Variants in LRRC4C observed in about 807,000 individuals in gnomAD.
LRRC4C encodes the protein leucine-rich repeat-containing protein 4C.
LRRC4C carries 5 observed loss-of-function variants against 33.6 expected under a neutral mutation model. The ratio of observed to expected loss-of-function variants is 0.15; its 90% confidence interval spans 0.08 to 0.31. The LOEUF (loss-of-function observed/expected upper bound fraction) is 0.31, where lower values mean the gene tolerates loss of function less well. LRRC4C is among the 10% of genes least tolerant of loss of function. The pLI is 1.00. For synonymous variants in LRRC4C, 329 were observed against 302.0 expected (o/e 1.09, Z -0.93); for missense variants, 560 against 796.7 (o/e 0.70, Z 3.58).
chr11:40,839,890 C>T lies in LRRC4C; in HGVS notation c.-407+93745G>A, dbSNP rs577069843. Among the ~76,000 whole-genome samples, 7 of 152,186 alleles carry T rather than the reference C, an allele frequency of 4.6e-5. No individual in the cohort carries two copies. The East Asian group carries it at 1.4e-3, about 29-fold the overall frequency. ...CAATCCAGAATCACAACATTTGAAA[C>T]ATCTAGAAAAATAAAGACTGACTCT... On this transcript the variant is annotated intron_variant, in intron 2 of 6. Transcript: ENST00000528697.
chr11:40,878,619 G>T (rs1591973364), intron 2 of LRRC4C, among the ~76,000 whole-genome samples: 1 of 152,268 alleles, frequency 6.6e-6, no homozygotes, highest in African/African-American at 2.4e-5. Context: ...AGGCTTTATT[G>T]TTCACCTGCC....
intron 2 of LRRC4C, among the ~76,000 whole-genome samples, chr11:40,842,390 T>C (rs1952951677): frequency 6.6e-6 from 1 of 152,166 alleles, no homozygotes; most frequent in Non-Finnish European, 1.5e-5. Flanking sequence ...CTTTTTTGGA[T>C]CAAATTTGTT....
At chr11:40,566,717 G>C (rs1565511576) in intron 3 of LRRC4C, among the ~76,000 whole-genome samples, 1 of 151,940 alleles carries the variant, frequency 6.6e-6, no homozygotes, top group African/African-American at 2.4e-5. Context: ...CCTAAAGAAG[G>C]TGCTGGTTAA....
At chr11:41,170,151 C>T (rs1944907293) in intron 1 of LRRC4C, among the ~76,000 whole-genome samples, 2 of 152,050 alleles carry the variant, frequency 1.3e-5, no homozygotes, top group Non-Finnish European at 2.9e-5. Context: ...CCAAAACTAT[C>T]AAGATAGACT....
intron 3 of LRRC4C, among the ~76,000 whole-genome samples, chr11:40,348,110 A>G (rs1024693157): frequency 3.9e-5 from 6 of 152,192 alleles, no homozygotes; most frequent in African/African-American, 1.2e-4. Flanking sequence ...CAATAGTAAC[A>G]TCAAAGATCA....
intron 2 of LRRC4C, among the ~76,000 whole-genome samples, chr11:40,660,208 G>T (rs1943360538): frequency 6.6e-6 from 1 of 152,206 alleles, no homozygotes; most frequent in Admixed American, 6.5e-5. Context: ...CACAGCAGCT[G>T]GTGTGCCTGG....
intron 1 of LRRC4C, among the ~76,000 whole-genome samples, chr11:41,311,487 A>C (rs1034901076): frequency 1.3e-5 from 2 of 152,214 alleles, no homozygotes; most frequent in African/African-American, 4.8e-5. Context: ...ACTACTTATA[A>C]AGATAAATCT....
intron 1 of LRRC4C, among the ~76,000 whole-genome samples, chr11:41,273,586 C>A (rs891030175): frequency 6.6e-6 from 1 of 152,036 alleles, no homozygotes; most frequent in Non-Finnish European, 1.5e-5. Flanking sequence ...TTTCCAGAGG[C>A]TAAAGGAAGG....
At chr11:40,322,906 T>C (rs546886307) in intron 3 of LRRC4C, among the ~76,000 whole-genome samples, 52 of 152,346 alleles carry the variant, frequency 3.4e-4, no homozygotes, top group Non-Finnish European at 8.8e-5. Flanking sequence ...GAATATCTTC[T>C]GTAAATTACA....
intron 5 of LRRC4C, among the ~76,000 whole-genome samples, chr11:40,184,085 A>G (rs1861219962): frequency 6.6e-6 from 1 of 151,786 alleles, no homozygotes; most frequent in Non-Finnish European, 1.5e-5. Flanking sequence ...TTGCTTAGCT[A>G]TGTTTGTGCT....
chr11:40,158,561 A>G (rs1858899788), intron 5 of LRRC4C, among the ~76,000 whole-genome samples: 1 of 142,420 alleles, frequency 7.0e-6, no homozygotes, highest in Non-Finnish European at 1.5e-5. Flanking sequence ...GCATTATTAG[A>G]GCTTAAAACA....
At chr11:40,166,263 G>A (rs1429356304) in intron 5 of LRRC4C, among the ~76,000 whole-genome samples, 1 of 152,096 alleles carries the variant, frequency 6.6e-6, no homozygotes, top group Non-Finnish European at 1.5e-5. Context: ...TGCACCAATG[G>A]AATACCATAT....
At chr11:40,634,550 T>C (rs926150998) in intron 3 of LRRC4C, among the ~76,000 whole-genome samples, 5 of 152,120 alleles carry the variant, frequency 3.3e-5, no homozygotes, top group African/African-American at 1.2e-4. Flanking sequence ...ATGTTCGTAC[T>C]AACATTTAGA....
At chr11:41,013,452 C>T (rs1031649633) in intron 1 of LRRC4C, among the ~76,000 whole-genome samples, 8 of 152,140 alleles carry the variant, frequency 5.3e-5, no homozygotes, top group African/African-American at 1.7e-4. Flanking sequence ...AATACATAGA[C>T]ATCTTTTTGA....
chr11:40,909,095 T>C (rs1300408103), intron 2 of LRRC4C, among the ~76,000 whole-genome samples: 1 of 152,118 alleles, frequency 6.6e-6, no homozygotes, highest in Non-Finnish European at 1.5e-5. Flanking sequence ...ACATTTAACA[T>C]GGATGTTACT....
At chr11:40,440,193 A>T (rs1298171996) in intron 3 of LRRC4C, among the ~76,000 whole-genome samples, 1 of 151,986 alleles carries the variant, frequency 6.6e-6, no homozygotes, top group Admixed American at 6.6e-5. Flanking sequence ...TACCTAGAAC[A>T]TTTCCTGGCA....
chr11:40,199,717 TA>T (rs1335842840), intron 5 of LRRC4C, among the ~76,000 whole-genome samples: 3 of 152,172 alleles, frequency 2.0e-5, no homozygotes, highest in African/African-American at 4.8e-5. Context: ...TCTGATTATA[TA>T]TTTTTTTAAT....
chr11:40,891,875 C>T (rs1021901450), intron 2 of LRRC4C, among the ~76,000 whole-genome samples: 2 of 152,196 alleles, frequency 1.3e-5, no homozygotes, highest in Admixed American at 1.3e-4. Flanking sequence ...GTGGCTCACA[C>T]CTATAATCCC....
chr11:41,005,968 C>T (rs1854723366), intron 1 of LRRC4C, among the ~76,000 whole-genome samples: 1 of 151,996 alleles, frequency 6.6e-6, no homozygotes, highest in African/African-American at 2.4e-5. Context: ...CTCCCTTTCT[C>T]CCTTCCTCCC....
Sources: allele counts gnomAD v4.1 joint callset (sites outside exome capture counted in the v4.1 genomes callset), GRCh38; gene constraint gnomAD v4.1.1; transcripts MANE v1.5; gene names NCBI Gene and HGNC (gene_info 2026-07-23, HGNC 2026-07-21).